KCNH1: variants seen among roughly 807,000 people sequenced by gnomAD.
KCNH1 encodes voltage-gated delayed rectifier potassium channel KCNH1.
A neutral mutation model predicts 69.2 loss-of-function variants in KCNH1; 27 were observed. The ratio of observed to expected loss-of-function variants is 0.39; its 90% CI spans 0.29 to 0.54. KCNH1 has a LOEUF of 0.54. KCNH1 is among the 20% of genes least tolerant of loss of function. The pLI is 0.68. For synonymous variants in KCNH1, 456 were observed against 487.7 expected (o/e 0.93, Z 0.86); for missense variants, 798 against 1,261.6 (o/e 0.63, Z 5.57).
intron 7 of KCNH1, among the ~76,000 whole-genome samples, chr1:210,867,362 C>CACACACAT (rs1491359165): frequency 8.9e-5 from 6 of 67,336 alleles, no homozygotes; most frequent in African/African-American, 2.1e-4. Flanking sequence ...CACACACACA[C>CACACACAT]ATATATATAT....
intron 6 of KCNH1, among the ~76,000 whole-genome samples, chr1:211,009,420 G>C (rs1325768424): frequency 6.6e-6 from 1 of 152,014 alleles, no homozygotes; most frequent in Non-Finnish European, 1.5e-5. Flanking sequence ...TATGTGGAGA[G>C]AGCTTTATAA....
chr1:210,989,800 A>T (rs1421558362), intron 6 of KCNH1, among the ~76,000 whole-genome samples: 2 of 152,138 alleles, frequency 1.3e-5, no homozygotes, highest in Admixed American at 6.5e-5. Flanking sequence ...TTTCATTATT[A>T]CCTGATGAGT....
At chr1:211,068,506 C>T (rs1690574530) in intron 5 of KCNH1, among the ~76,000 whole-genome samples, 1 of 152,134 alleles carries the variant, frequency 6.6e-6, no homozygotes, top group Non-Finnish European at 1.5e-5. Context: ...AGTGATTCTT[C>T]TGCCTCAGCC....
intron 3 of KCNH1, among the ~76,000 whole-genome samples, chr1:211,101,247 A>C (rs1271275165): frequency 3.3e-5 from 5 of 152,132 alleles, no homozygotes; most frequent in Admixed American, 2.0e-4. Flanking sequence ...TTGCATCCCT[A>C]GCAGCAAGCC....
intron 2 of KCNH1, among the ~76,000 whole-genome samples, chr1:211,103,872 C>T (rs771544820): frequency 1.4e-4 from 21 of 152,048 alleles, no homozygotes; most frequent in Non-Finnish European, 2.5e-4. Context: ...TGATCACTGC[C>T]ACAATGGCAG....
chr1:210,718,394 A>ATGCATATATTTAATGCAT (rs1682329096), intron 10 of KCNH1, among the ~76,000 whole-genome samples: 4 of 186 alleles, frequency 0.022, 1 homozygote, highest in Admixed American at 0.2. Context: ...ATTTATATAT[A>ATGCATATATTTAATGCAT]AAATATATGC....
At chr1:211,073,201 C>A (rs1455715434) in intron 5 of KCNH1, among the ~76,000 whole-genome samples, 3 of 151,988 alleles carry the variant, frequency 2.0e-5, no homozygotes, top group Non-Finnish European at 4.4e-5. Context: ...GCACATCTAA[C>A]AATAGAGCAT....
chr1:210,792,060 C>T (rs760098667), intron 9 of KCNH1, among the ~76,000 whole-genome samples: 3 of 152,146 alleles, frequency 2.0e-5, no homozygotes, highest in Non-Finnish European at 2.9e-5. Flanking sequence ...TTCCCCATGG[C>T]TCTTCCCATC....
At chr1:211,077,537 A>G (rs1473902281) in intron 5 of KCNH1, among the ~76,000 whole-genome samples, 1 of 152,184 alleles carries the variant, frequency 6.6e-6, no homozygotes, top group Non-Finnish European at 1.5e-5. Flanking sequence ...TAAATAAAAT[A>G]CTTTACAGAC....
At chr1:210,980,538 A>G (rs900220249) in intron 6 of KCNH1, among the ~76,000 whole-genome samples, 3 of 152,230 alleles carry the variant, frequency 2.0e-5, no homozygotes, top group Non-Finnish European at 4.4e-5. Flanking sequence ...TAACAAAAGT[A>G]TGTTGATGAA....
chr1:210,751,349 C>T (rs145655402), intron 10 of KCNH1, among the ~76,000 whole-genome samples: 1 of 152,280 alleles, frequency 6.6e-6, no homozygotes, highest in Non-Finnish European at 1.5e-5. Flanking sequence ...AGATGCCCAT[C>T]CTCACACGAA....
intron 6 of KCNH1, among the ~76,000 whole-genome samples, chr1:210,978,973 C>A (rs1574374942): frequency 6.6e-6 from 1 of 152,214 alleles, no homozygotes; most frequent in Non-Finnish European, 1.5e-5. Context: ...ACAGTTTGAG[C>A]TCTCTACAGT....
chr1:210,925,094 T>C (rs780075650), intron 6 of KCNH1, among the ~76,000 whole-genome samples: 26 of 152,010 alleles, frequency 1.7e-4, no homozygotes, highest in Non-Finnish European at 2.9e-5. Flanking sequence ...AAAGGAAACA[T>C]GAAAAAGCAA....
At chr1:211,119,589 G>A (rs1341227104) in intron 1 of KCNH1, among the ~76,000 whole-genome samples, 1 of 151,824 alleles carries the variant, frequency 6.6e-6, no homozygotes, top group Non-Finnish European at 1.5e-5. Context: ...GGAGAATGGA[G>A]AGGATGGAAT....
At chr1:210,902,399 C>A in intron 7 of KCNH1, among the ~76,000 whole-genome samples, 1 of 152,226 alleles carries the variant, frequency 6.6e-6, no homozygotes, top group East Asian at 1.9e-4. Context: ...TTTGCATGAG[C>A]AGATGTGGCC....
chr1:211,028,756 A>C (rs550329833), intron 5 of KCNH1, among the ~76,000 whole-genome samples: 1 of 152,282 alleles, frequency 6.6e-6, no homozygotes, highest in African/African-American at 2.4e-5. Context: ...TATTGAGGGA[A>C]TCAAATGCAT....
At chr1:211,023,143 TAAATAAATAAATAAATA>T (rs1689619179) in intron 5 of KCNH1, among the ~76,000 whole-genome samples, 1 of 146,650 alleles carries the variant, frequency 6.8e-6, no homozygotes, top group Admixed American at 6.8e-5. Flanking sequence ...AATAAATAAA[TAAATAAATAAATAAATA>T]AATTAAAAAT....
intron 6 of KCNH1, among the ~76,000 whole-genome samples, chr1:211,009,432 GA>G (rs1403670616): frequency 1.3e-5 from 2 of 152,062 alleles, no homozygotes; most frequent in Non-Finnish European, 2.9e-5. Flanking sequence ...GCTTTATAAA[GA>G]AGGGAAATAT....
intron 1 of KCNH1, among the ~76,000 whole-genome samples, chr1:211,125,635 T>C (rs1486666798): frequency 6.6e-6 from 1 of 152,210 alleles, no homozygotes; most frequent in Non-Finnish European, 1.5e-5. Context: ...TTTCAAATGC[T>C]GACTCCAGCA....
Sources: allele counts gnomAD v4.1 joint callset (sites outside exome capture counted in the v4.1 genomes callset), GRCh38; gene constraint gnomAD v4.1.1; transcripts MANE v1.5; gene names NCBI Gene and HGNC (gene_info 2026-07-23, HGNC 2026-07-21).